LGI1: variants seen among roughly 807,000 people sequenced by gnomAD.
The protein encoded by LGI1 is leucine-rich glioma-inactivated protein 1.
Under a neutral mutation model 57.7 loss-of-function variants are expected in LGI1, and 11 were observed. The ratio of observed to expected loss-of-function variants is 0.19; its 90% confidence interval spans 0.12 to 0.32. The LOEUF is 0.32. Among genes scored for constraint, LGI1 ranks in the 10% least tolerant of loss-of-function variants. The pLI, the probability that LGI1 is intolerant of heterozygous loss-of-function variation, is 1.00. For missense variants in LGI1, 422 were observed against 661.9 expected, an observed-to-expected ratio of 0.64 and a Z score of 3.98; for synonymous variants, 222 against 241.9, an observed-to-expected ratio of 0.92 and a Z score of 0.76.
intron 5 of LGI1, chr10:93,790,706 G>C (rs979690205): frequency 6.6e-6 from 1 of 152,576 alleles, no homozygotes; most frequent in Non-Finnish European, 1.5e-5. Flanking sequence ...CCCCAGGAAG[G>C]GAATGAACTT....
Position 93,767,441 on chromosome 10 carries a change from C to T in LGI1, c.287+8610C>T, listed in dbSNP as rs1236025110. The T allele has an allele frequency of 2.6e-5, 4 of 152,146 alleles. No homozygotes were observed. In the East Asian group the frequency reaches 7.7e-4, roughly 29 times the overall value. The allele number at this position is 152,146 out of a possible 1,614,324, so 9.4% of individuals were successfully genotyped here. A position where few individuals can be genotyped will look rare whatever the true frequency, so the allele number is the denominator to read the frequency against. Reference sequence around the variant, plus strand: ...TGAAGTTACCTTGGCATAGAAACATCTCTGAAATTATTCAAAATTGTTTCA... The same window carrying T: ...TGAAGTTACCTTGGCATAGAAACATTTCTGAAATTATTCAAAATTGTTTCA... On this transcript the variant is annotated intron_variant, in intron 2 of 7. Coordinates refer to ENST00000371418, the MANE Select transcript of LGI1 (RefSeq NM_005097.4).
chr10:93,778,260 C>T (rs1422366591), intron 4 of LGI1, among the ~76,000 whole-genome samples: 2 of 151,932 alleles, frequency 1.3e-5, no homozygotes, highest in Non-Finnish European at 2.9e-5. Context: ...AAAGTGGCAT[C>T]GTGGGCAGGT....
At chr10:93,782,742 G>A (rs1408366074) in intron 4 of LGI1, 1 of 152,258 alleles carries the variant, frequency 6.6e-6, no homozygotes, top group Non-Finnish European at 1.5e-5. Context: ...CACCGCCGCA[G>A]GTTCAGAGAG....
Position 93,758,000 on chromosome 10 carries a change from C to A in LGI1, c.-145C>A. The A allele has an allele frequency of 1.4e-6, 1 of 739,196 alleles. No homozygotes were observed. The highest frequency in any genetic ancestry group is 2.4e-6 in the Non-Finnish European group (1 of 417,806). The allele number at this position is 739,196 out of a possible 1,614,324, so 45.8% of individuals were successfully genotyped here. A position where few individuals can be genotyped will look rare whatever the true frequency, so the allele number is the denominator to read the frequency against. ...CTGGAGCGAGGAGAAGCTCACGAAT[C>A]AGCTGCAGGTCTCTGTTTTGAAAAA... On this transcript the variant is annotated 5_prime_UTR_variant, in exon 1 of 8. Transcript: ENST00000371418.
chr10:93,782,601 A>G (rs779794195), intron 4 of LGI1: 2 of 152,290 alleles, frequency 1.3e-5, no homozygotes, highest in Non-Finnish European at 2.9e-5. Flanking sequence ...CCTGGTATGT[A>G]GTAAGCACCA....
At chr10:93,780,813 A>G (rs1041412854) in intron 4 of LGI1, among the ~76,000 whole-genome samples, 2 of 152,150 alleles carry the variant, frequency 1.3e-5, no homozygotes, top group African/African-American at 2.4e-5. Context: ...AGAAAATATG[A>G]CTAGAGAAGA....
At chr10:93,790,035 T>C in intron 4 of LGI1, 64 bp from the exon 5 acceptor site, 1 of 1,463,628 alleles carries the variant, frequency 6.8e-7, no homozygotes, top group Non-Finnish European at 9.3e-7. Context: ...CTAAGCTTTA[T>C]CATTAAATGC....
At chr10:93,775,036 C>T (rs2059779356) in intron 2 of LGI1, among the ~76,000 whole-genome samples, 1 of 152,146 alleles carries the variant, frequency 6.6e-6, no homozygotes, top group Admixed American at 6.5e-5. Context: ...TCATTATTAT[C>T]TTAGCCAGAG....
At position 93,798,113 on chromosome 10, in the gene LGI1, G is replaced by C. The variant is rs2059996549; in HGVS notation, c.*310G>C. On this transcript the variant is annotated 3_prime_UTR_variant, in exon 8 of 8. Transcript: ENST00000371418. ...TGTACTTTTCCATTTATTTATTCAT[G>C]TGTACAGAAACAACTGCCAAATAAA... 2.7e-6 allele frequency: 1 copy of C among 368,462 alleles called. No individual in the cohort carries two copies. The highest frequency in any genetic ancestry group is 2.1e-5 in the African/African-American group (1 of 48,272). 22.8% of individuals were successfully genotyped at this position (368,462 alleles called of 1,614,324 possible).
chr10:93,766,759 G>A (rs1443428452), intron 2 of LGI1: 3 of 151,520 alleles, frequency 2.0e-5, no homozygotes, highest in African/African-American at 2.4e-5. Context: ...CTCCCGCCTC[G>A]GCCTCCCGAA....
chr10:93,777,594 G>A lies in LGI1; in HGVS notation c.408G>A (p.Arg136=). 2 of 1,613,072 alleles carry A rather than the reference G, an allele frequency of 1.2e-6. No individual in the cohort carries two copies. Among genetic ancestry groups the A allele is most frequent in the Non-Finnish European group, 1.7e-6 (2 of 1,179,232 alleles). The part of the protein sequence containing the change: ...NIKSISRHTF[R]GLKSLIHLSL... ...AGTCAATTTCAAGACATACTTTCCGGGGACTAAAGTCATTAATTCACTTGT... is the reference window on the plus strand; with the variant it reads ...AGTCAATTTCAAGACATACTTTCCGAGGACTAAAGTCATTAATTCACTTGT... Residue 136 remains arginine (R), a synonymous_variant, in exon 4 of 8, where the codon CGG becomes CGA. Transcript: ENST00000371418.
chr10:93,763,517 C>T (rs2133981391), intron 2 of LGI1: 1 of 152,288 alleles, frequency 6.6e-6, no homozygotes, highest in South Asian at 2.1e-4. Context: ...TTGTTGAATC[C>T]AGTTTATGTT....
At position 93,765,964 on chromosome 10, in the gene LGI1, C is replaced by T. The variant is rs113026445; in HGVS notation, c.287+7133C>T. On this transcript the variant is annotated intron_variant, in intron 2 of 7. Transcript: ENST00000371418. ...CAGCCTGGGCGACAGAGTAAGCCTC[C>T]GTCTCAAAAAAAAAAAAAAAAAAAA... Among the ~76,000 whole-genome samples, 552 of 114,002 alleles carry T rather than the reference C, an allele frequency of 4.8e-3. 2 individuals are homozygous for T. The highest frequency in any genetic ancestry group is 0.015 in the African/African-American group (460 of 29,870). 74.8% of individuals were successfully genotyped at this position (114,002 alleles called of 152,430 possible).
At position 93,777,663 on chromosome 10, in the gene LGI1, A is replaced by G. The variant is rs753717074; in HGVS notation, c.431+46A>G. 1.0e-5 allele frequency: 15 copies of G among 1,463,662 alleles called. No homozygotes were observed. The African/African-American group carries it at 1.8e-4, about 18-fold the overall frequency. 90.7% of individuals were successfully genotyped at this position (1,463,662 alleles called of 1,614,324 possible). Reference sequence around the variant, plus strand: ...TACTTTTTAAGCTTGCTAATGGACAATGCAGTTTGATCACCTGTGGTTAAT... The same window carrying G: ...TACTTTTTAAGCTTGCTAATGGACAGTGCAGTTTGATCACCTGTGGTTAAT... On this transcript the variant is annotated intron_variant, in intron 4 of 7. Coordinates refer to ENST00000371418, the MANE Select transcript of LGI1 (RefSeq NM_005097.4).
intron 2 of LGI1, chr10:93,768,495 C>A (rs147524159): frequency 6.6e-6 from 1 of 152,178 alleles, no homozygotes; most frequent in Non-Finnish European, 1.5e-5. Flanking sequence ...GTAGACCCTT[C>A]TCCTTGATGT....
At chr10:93,787,305 C>T (rs2059899269) in intron 4 of LGI1, among the ~76,000 whole-genome samples, 1 of 152,196 alleles carries the variant, frequency 6.6e-6, no homozygotes, top group African/African-American at 2.4e-5. Context: ...TCTGGCTCCC[C>T]TGCCTCCCCC....
At position 93,758,685 on chromosome 10, in the gene LGI1, T is replaced by C; in HGVS notation, c.216-75T>C. 9.6e-7 allele frequency: 1 copy of C among 1,039,686 alleles called. No individual in the cohort carries two copies. Among genetic ancestry groups the C allele is most frequent in the Non-Finnish European group, 1.5e-6 (1 of 667,902 alleles). The allele number at this position is 1,039,686 out of a possible 1,614,324, so 64.4% of individuals were successfully genotyped here. On this transcript the variant is annotated intron_variant, in intron 1 of 7. Transcript: ENST00000371418. The surrounding 1 kb of genome is among the most constrained non-coding windows in gnomAD (Gnocchi z 4.7). ...ACTGTTATGCTAAACCGGATTAACA[T>C]AAGGTTTGTTCTGTGTGTGTGTGTC... is the stretch of plus-strand genomic sequence containing the variant.
At chr10:93,780,617 T>C (rs751541299) in intron 4 of LGI1, among the ~76,000 whole-genome samples, 2 of 152,194 alleles carry the variant, frequency 1.3e-5, no homozygotes, top group African/African-American at 2.4e-5. Flanking sequence ...ACTAGGTTCA[T>C]AGATGAACGA....
At chr10:93,763,026 C>G (rs1218567561) in intron 2 of LGI1, 1 of 152,272 alleles carries the variant, frequency 6.6e-6, no homozygotes, top group Non-Finnish European at 1.5e-5. Context: ...ACCACAGCAC[C>G]ACTGCTTTCA....
Sources: allele counts gnomAD v4.1 joint callset (sites outside exome capture counted in the v4.1 genomes callset), GRCh38; gene constraint gnomAD v4.1.1; non-coding constraint Gnocchi (gnomAD v3.1); transcripts MANE v1.5; gene names NCBI Gene and HGNC (gene_info 2026-07-23, HGNC 2026-07-21).